The following PLXNA4 variants were observed in gnomAD, a reference collection of about 807,000 sequenced individuals.
PLXNA4 encodes the protein plexin A4.
PLXNA4 carries 44 observed loss-of-function variants against 191.8 expected under a neutral mutation model. The observed-to-expected ratio is 0.23, with a 90% CI of 0.18 to 0.29. The LOEUF (loss-of-function observed/expected upper bound fraction) is 0.29. Ranked by LOEUF, PLXNA4 falls within the 10% of genes least tolerant of loss-of-function variation. The pLI is 1.00. For synonymous variants in PLXNA4, 1,082 were observed against 1,009.5 expected (o/e 1.07, Z -1.36); for missense variants, 1,800 against 2,488.8 (o/e 0.72, Z 5.89).
intron 3 of PLXNA4, among the ~76,000 whole-genome samples, chr7:132,351,148 G>A (rs1419705228): frequency 2.0e-5 from 3 of 152,202 alleles, no homozygotes; most frequent in Admixed American, 6.5e-5. Context: ...AGCTGGAGAG[G>A]GTGATGGCTA....
chr7:132,277,539 G>A (rs1800326336), intron 4 of PLXNA4, among the ~76,000 whole-genome samples: 1 of 152,158 alleles, frequency 6.6e-6, no homozygotes, highest in Non-Finnish European at 1.5e-5. Flanking sequence ...GAGTCCTACG[G>A]TGTCCTGAAC....
chr7:132,631,166 T>C (rs895790288), intron 2 of PLXNA4, among the ~76,000 whole-genome samples: 2 of 152,248 alleles, frequency 1.3e-5, no homozygotes, highest in Non-Finnish European at 2.9e-5. Flanking sequence ...GATCTGTTTG[T>C]TTTAATATAA....
chr7:132,365,328 C>CGTGTGTGTGTGT (rs3057957), intron 3 of PLXNA4, among the ~76,000 whole-genome samples: 227 of 143,072 alleles, frequency 1.6e-3, no homozygotes, highest in Middle Eastern at 0.011. Context: ...CTACGGCCCG[C>CGTGTGTGTGTGT]GTGTGTGTGT....
chr7:132,214,128 C>A (rs974879585), intron 9 of PLXNA4, among the ~76,000 whole-genome samples: 2 of 152,198 alleles, frequency 1.3e-5, no homozygotes, highest in African/African-American at 2.4e-5. Flanking sequence ...GGCAGGACCA[C>A]CTCAGGATGG....
intron 3 of PLXNA4, among the ~76,000 whole-genome samples, chr7:132,347,403 T>A (rs1803286202): frequency 3.3e-5 from 5 of 152,208 alleles, no homozygotes; most frequent in Admixed American, 6.5e-5. Context: ...TGTAGGAAGT[T>A]TGGATTCCCA....
chr7:132,434,294 G>A (rs1259263809), intron 3 of PLXNA4, among the ~76,000 whole-genome samples: 1 of 152,106 alleles, frequency 6.6e-6, no homozygotes, highest in Non-Finnish European at 1.5e-5. Context: ...TCTGGCCACC[G>A]TAGTGTACCC....
intron 3 of PLXNA4, among the ~76,000 whole-genome samples, chr7:132,469,658 T>C (rs1234088142): frequency 6.6e-6 from 1 of 152,242 alleles, no homozygotes; most frequent in African/African-American, 2.4e-5. Flanking sequence ...TGGGTCTTCA[T>C]TCCAATATAC....
At chr7:132,357,047 G>C (rs2116833105) in intron 3 of PLXNA4, among the ~76,000 whole-genome samples, 1 of 152,322 alleles carries the variant, frequency 6.6e-6, no homozygotes, top group Admixed American at 6.5e-5. Flanking sequence ...TATGAGAGGT[G>C]TGGTGTCCAA....
intron 2 of PLXNA4, among the ~76,000 whole-genome samples, chr7:132,589,480 G>A (rs553195495): frequency 1.3e-5 from 2 of 152,322 alleles, no homozygotes; most frequent in Non-Finnish European, 2.9e-5. Context: ...TAACTAGCAT[G>A]TTGCACAGGA....
In PLXNA4 at chr7:132,311,193, T is replaced by TGTGTGTGTGC. The variant is rs71178034; in HGVS notation, c.1372-12972_1372-12971insGCACACACAC. Reference sequence around the variant, plus strand: ...GTGTGTGTGTGTGTGTGTGTGTGTGTGCGCGTGTGGCCTAAAGGAGGGTCA... The same window carrying TGTGTGTGTGC: ...GTGTGTGTGTGTGTGTGTGTGTGTGTGTGTGTGTGCGCGCGTGTGGCCTAAAGGAGGGTCA... On this transcript the variant is annotated intron_variant, in intron 3 of 31. Coordinates refer to ENST00000321063, the MANE Select transcript of PLXNA4 (RefSeq NM_020911.2). 7.0e-3 allele frequency among the ~76,000 whole-genome samples: 629 copies of TGTGTGTGTGC among 89,890 alleles called. 14 individuals carry two copies. The highest frequency in any genetic ancestry group is 0.023 in the African/African-American group (587 of 25,970). 59.0% of individuals were successfully genotyped at this position (89,890 alleles called of 152,430 possible).
At chr7:132,325,059 C>T (rs1002544053) in intron 3 of PLXNA4, among the ~76,000 whole-genome samples, 1 of 152,172 alleles carries the variant, frequency 6.6e-6, no homozygotes, top group Non-Finnish European at 1.5e-5. Context: ...CATCAGACAC[C>T]TGCCCCCACC....
chr7:132,527,635 C>T (rs12532813), intron 1 of PLXNA4, among the ~76,000 whole-genome samples: 10 of 151,188 alleles, frequency 6.6e-5, no homozygotes, highest in South Asian at 2.1e-4. Flanking sequence ...AAATCAATGA[C>T]GCAAAGGCTC....
At chr7:132,450,895 CTT>C (rs1355299438) in intron 3 of PLXNA4, among the ~76,000 whole-genome samples, 8 of 152,180 alleles carry the variant, frequency 5.3e-5, no homozygotes, top group Admixed American at 4.6e-4. Context: ...CCCTAGTCCT[CTT>C]GTTTTATGGC....
chr7:132,306,275 T>A (rs570233869), intron 3 of PLXNA4, among the ~76,000 whole-genome samples: 1 of 152,240 alleles, frequency 6.6e-6, no homozygotes, highest in South Asian at 2.1e-4. Flanking sequence ...GGAGACTTCA[T>A]TGGGGCAGGC....
chr7:132,310,483 A>T (rs148875430), intron 3 of PLXNA4, among the ~76,000 whole-genome samples: 1 of 152,304 alleles, frequency 6.6e-6, no homozygotes, highest in Non-Finnish European at 1.5e-5. Context: ...TTGGAAAAAG[A>T]TCAGAAGGGT....
intron 4 of PLXNA4, among the ~76,000 whole-genome samples, chr7:132,242,673 G>A (rs1798921727): frequency 6.6e-6 from 1 of 152,106 alleles, no homozygotes; most frequent in African/African-American, 2.4e-5. Context: ...CAGTGACCTT[G>A]ACCTTGGTGG....
intron 2 of PLXNA4, among the ~76,000 whole-genome samples, chr7:132,606,067 G>T (rs1802918324): frequency 6.6e-6 from 1 of 152,204 alleles, no homozygotes; most frequent in Non-Finnish European, 1.5e-5. Context: ...GGGAGGCTGA[G>T]GCACGAGAAT....
At chr7:132,326,461 C>T (rs949781276) in intron 3 of PLXNA4, among the ~76,000 whole-genome samples, 1 of 152,170 alleles carries the variant, frequency 6.6e-6, no homozygotes, top group Non-Finnish European at 1.5e-5. Flanking sequence ...TTGGTGCTCC[C>T]GTGGCCTGCA....
chr7:132,358,381 G>T (rs917362053), intron 3 of PLXNA4, among the ~76,000 whole-genome samples: 5 of 152,100 alleles, frequency 3.3e-5, no homozygotes, highest in African/African-American at 9.7e-5. Flanking sequence ...CAGTCTTTTG[G>T]GGGAGAGCAA....
Sources: allele counts gnomAD v4.1 joint callset (sites outside exome capture counted in the v4.1 genomes callset), GRCh38; gene constraint gnomAD v4.1.1; transcripts MANE v1.5; gene names NCBI Gene and HGNC (gene_info 2026-07-23, HGNC 2026-07-21).